Variants in PDE1A observed in about 807,000 individuals in gnomAD.
The protein encoded by PDE1A is dual specificity calcium/calmodulin-dependent 3',5'-cyclic nucleotide phosphodiesterase 1A.
PDE1A carries 35 observed loss-of-function variants against 61.7 expected under a neutral mutation model. That is an observed-to-expected ratio of 0.57 (90% CI 0.43 to 0.75). The LOEUF is 0.75. Among genes scored for constraint, PDE1A ranks in the 30% least tolerant of loss-of-function variants. The pLI, the probability that PDE1A is intolerant of heterozygous loss-of-function variation, is 0.00. For synonymous variants in PDE1A, 232 were observed against 213.2 expected, an observed-to-expected ratio of 1.09 and a Z score of -0.77; for missense variants, 597 against 630.6, an observed-to-expected ratio of 0.95 and a Z score of 0.57.
chr2:182,393,207 A>T (rs1322994185), intron 1 of PDE1A, among the ~76,000 whole-genome samples: 2 of 152,156 alleles, frequency 1.3e-5, no homozygotes, highest in Non-Finnish European at 2.9e-5. Flanking sequence ...TCAATTCTTG[A>T]CTTCTGTGCA....
At chr2:182,634,888 C>T in the PDE1A span, among the ~76,000 whole-genome samples, 3 of 152,032 alleles carry the variant, frequency 2.0e-5, no homozygotes, top group Admixed American at 2.0e-4. Context: ...GGAACCTGTT[C>T]CAGAAATATT....
chr2:182,306,252 G>A (rs570093514), intron 1 of PDE1A, among the ~76,000 whole-genome samples: 3 of 152,082 alleles, frequency 2.0e-5, no homozygotes, highest in Admixed American at 6.5e-5. Context: ...CCATGTATAC[G>A]TACAATATTG....
At chr2:182,261,599 C>T (rs1692223427) in intron 2 of PDE1A, among the ~76,000 whole-genome samples, 1 of 152,098 alleles carries the variant, frequency 6.6e-6, no homozygotes, top group Admixed American at 6.6e-5. Context: ...CGAAGCAGGG[C>T]AGCGTTGTGC....
chr2:182,686,733 T>A, the PDE1A span, among the ~76,000 whole-genome samples: 1 of 152,196 alleles, frequency 6.6e-6, no homozygotes, highest in Non-Finnish European at 1.5e-5. Flanking sequence ...GGGCAAGGCA[T>A]CACCTTACCC....
chr2:182,267,344 C>A (rs1160352603), intron 1 of PDE1A, among the ~76,000 whole-genome samples: 7 of 151,918 alleles, frequency 4.6e-5, no homozygotes, highest in African/African-American at 1.7e-4. Flanking sequence ...GGGAAAAACA[C>A]TTCAGTAAGG....
chr2:182,419,721 G>A (rs1028367190), intron 1 of PDE1A, among the ~76,000 whole-genome samples: 3 of 152,110 alleles, frequency 2.0e-5, no homozygotes, highest in African/African-American at 7.2e-5. Context: ...CTAGCAGTCT[G>A]CAGCTAGATC....
intron 13 of PDE1A, among the ~76,000 whole-genome samples, chr2:182,173,132 T>C (rs1692397197): frequency 6.6e-6 from 1 of 152,002 alleles, no homozygotes; most frequent in African/African-American, 2.4e-5. Context: ...CATGAGCTGG[T>C]ATTTCCTGCT....
intron 2 of PDE1A, among the ~76,000 whole-genome samples, chr2:182,257,439 T>C (rs1405502175): frequency 1.3e-5 from 2 of 152,194 alleles, no homozygotes; most frequent in Non-Finnish European, 2.9e-5. Flanking sequence ...AAAAAATACT[T>C]TGAATAGGTC....
the PDE1A span, among the ~76,000 whole-genome samples, chr2:182,622,268 T>A: frequency 6.6e-6 from 1 of 152,208 alleles, no homozygotes; most frequent in Non-Finnish European, 1.5e-5. Context: ...GTTTTTAATG[T>A]CCATGTCCTG....
intron 13 of PDE1A, among the ~76,000 whole-genome samples, chr2:182,161,165 T>C (rs545485510): frequency 6.6e-6 from 1 of 152,266 alleles, no homozygotes; most frequent in Non-Finnish European, 1.5e-5. Flanking sequence ...TCCAGATGCA[T>C]ATACATACCC....
At chr2:182,295,329 C>T (rs1426126940) in intron 1 of PDE1A, among the ~76,000 whole-genome samples, 1 of 151,978 alleles carries the variant, frequency 6.6e-6, no homozygotes, top group Non-Finnish European at 1.5e-5. Flanking sequence ...CCGCCTCGGC[C>T]TCCCAAAGTG....
intron 7 of PDE1A, among the ~76,000 whole-genome samples, chr2:182,214,666 G>A: frequency 6.8e-6 from 1 of 146,700 alleles, no homozygotes; most frequent in Non-Finnish European, 1.5e-5. Flanking sequence ...AAGAGACAAA[G>A]AAGGCCATTA....
the PDE1A span, among the ~76,000 whole-genome samples, chr2:182,592,240 T>C: frequency 8.5e-5 from 13 of 152,200 alleles, no homozygotes; most frequent in Non-Finnish European, 1.5e-4. Context: ...CAAGCATACA[T>C]GCTGTAATCC....
chr2:182,343,873 C>CTTT (rs11300978), intron 1 of PDE1A, among the ~76,000 whole-genome samples: 1 of 129,784 alleles, frequency 7.7e-6, no homozygotes, highest in African/African-American at 2.8e-5. Flanking sequence ...TTTTCTTTTT[C>CTTT]TTTTTTTTTT....
chr2:182,622,338 A>T, the PDE1A span, among the ~76,000 whole-genome samples: 1 of 152,332 alleles, frequency 6.6e-6, no homozygotes, highest in Non-Finnish European at 1.5e-5. Context: ...TATTTTTAAA[A>T]ACTACTCAAG....
At chr2:182,164,232 A>G (rs771676648), downstream of PDE1A, among the ~76,000 whole-genome samples, 12 of 152,100 alleles carry the variant, frequency 7.9e-5, no homozygotes, top group Non-Finnish European at 1.6e-4. Flanking sequence ...AAGAAGCCCA[A>G]ATGCCCATAG....
chr2:182,474,360 G>A (rs1477049202), intron 2 of PDE1A, among the ~76,000 whole-genome samples: 1 of 151,898 alleles, frequency 6.6e-6, no homozygotes, highest in Non-Finnish European at 1.5e-5. Context: ...ATGTGCAGCA[G>A]CAAAGTAGGC....
At chr2:182,714,227 T>G in the PDE1A span, among the ~76,000 whole-genome samples, 1 of 152,218 alleles carries the variant, frequency 6.6e-6, no homozygotes, top group Non-Finnish European at 1.5e-5. Context: ...TTCATGAAGC[T>G]TAGATTCTTT....
intron 2 of PDE1A, among the ~76,000 whole-genome samples, chr2:182,446,577 G>C (rs988802731): frequency 6.6e-6 from 1 of 152,136 alleles, no homozygotes; most frequent in Admixed American, 6.6e-5. Context: ...TTGAAGCAAA[G>C]AGCATGTATT....
Sources: gnomAD v4.1 joint callset for allele counts (sites outside exome capture counted in the v4.1 genomes callset) on GRCh38, gnomAD v4.1.1 for gene constraint, MANE v1.5 for transcripts, NCBI Gene and HGNC (gene_info 2026-07-23, HGNC 2026-07-21) for gene names.